The following ZBTB21 variants were observed in gnomAD, a reference collection of about 807,000 sequenced individuals.
ZBTB21 encodes the protein zinc finger and BTB domain containing 21.
ZBTB21 carries 10 observed loss-of-function variants against 39.8 expected under a neutral mutation model. That is an observed-to-expected ratio of 0.25 (90% confidence interval 0.16 to 0.43). The LOEUF (loss-of-function observed/expected upper bound fraction) is 0.43, where lower values mean the gene tolerates loss of function less well. Among genes scored for constraint, ZBTB21 ranks in the 20% least tolerant of loss-of-function variants. The probability of loss-of-function intolerance (pLI) is 1.00; values close to 1 mark genes in which losing one functional copy is unlikely to be tolerated. For synonymous variants in ZBTB21, 551 were observed against 498.8 expected (o/e 1.10, Z -1.40); for missense variants, 1,221 against 1,296.3 (o/e 0.94, Z 0.89).
rs1294700503 is a variant in ZBTB21, at chr21:41,993,303, C to T, written c.793G>A (p.Gly265Arg). 6.2e-7 allele frequency: 1 copy of T among 1,613,216 alleles called. No homozygotes were observed. The highest frequency in any genetic ancestry group is 1.1e-5 in the South Asian group (1 of 91,034). The change falls in exon 3 of 3, where the codon GGA becomes AGA. Residue 265 changes from glycine to arginine, a missense_variant. Coordinates refer to ENST00000310826, the MANE Select transcript of ZBTB21 (RefSeq NM_001098402.2). ...KPGVSGQLPK[G>R]KALELALKRP... ...TTCAAAGCCAGCTCTAGAGCTTTTCCTTTTGGAAGCTGACCACTCACACCT... is the reference window on the plus strand; with the variant it reads ...TTCAAAGCCAGCTCTAGAGCTTTTCTTTTTGGAAGCTGACCACTCACACCT...
In ZBTB21 at chr21:41,990,866, G is replaced by A; in HGVS notation, c.*29C>T. On this transcript the variant is annotated 3_prime_UTR_variant, in exon 3 of 3. Coordinates refer to ENST00000310826, the MANE Select transcript of ZBTB21 (RefSeq NM_001098402.2). ...CAATTCAGGTTGAAATCTGGGGACTGCCTCCCATAGGTAAAAAGTGTTGGT... is the reference window on the plus strand; with the variant it reads ...CAATTCAGGTTGAAATCTGGGGACTACCTCCCATAGGTAAAAAGTGTTGGT... 3 of 1,417,474 alleles carry A rather than the reference G, an allele frequency of 2.1e-6. No homozygotes were observed. The highest frequency in any genetic ancestry group is 2.8e-6 in the Non-Finnish European group (3 of 1,082,198). The allele number at this position is 1,417,474 out of a possible 1,614,324, so 87.8% of individuals were successfully genotyped here.
chr21:41,993,312 G>C lies in ZBTB21; in HGVS notation c.784C>G (p.Leu262Val). 6.2e-7 allele frequency: 1 copy of C among 1,613,306 alleles called. No homozygotes were observed. The highest frequency in any genetic ancestry group is 8.5e-7 in the Non-Finnish European group (1 of 1,179,948). The change falls in exon 3 of 3, where the codon CTT becomes GTT. Residue 262 changes from leucine (L) to valine (V), a missense_variant. Physicochemically the swap from Leu to Val is conservative, Grantham distance 32 (BLOSUM62 1). Around this residue, in one of 4 missense-constraint regions of ZBTB21, gnomAD observed 500 missense variants for 465.6 expected, o/e 1.07. Transcript: ENST00000310826. ...AGCTCTAGAGCTTTTCCTTTTGGAA[G>C]CTGACCACTCACACCTGGTTTATCA... is the stretch of plus-strand genomic sequence containing the variant. ...MDDKPGVSGQ[L>V]PKGKALELAL...
At position 41,994,099 on chromosome 21, in the gene ZBTB21, T is replaced by C; in HGVS notation, c.-4A>G. The stretch of plus-strand genomic sequence containing the variant: ...TGTAATGCAGTAATCCCTCCATGGC[T>C]TGAGTTTATCTAAAAGACAAAATGT... On this transcript the variant is annotated 5_prime_UTR_variant, in exon 3 of 3. Coordinates refer to ENST00000310826, the MANE Select transcript of ZBTB21 (RefSeq NM_001098402.2). 1 of 1,561,476 alleles carries C rather than the reference T, an allele frequency of 6.4e-7. No homozygotes were observed. Among genetic ancestry groups the C allele is most frequent in the Non-Finnish European group, 8.6e-7 (1 of 1,156,098 alleles).
rs761782176 is a variant in ZBTB21 at position 41,993,356 on chromosome 21, T to G, written c.740A>C (p.Gln247Pro). 3 of 1,614,032 alleles carry G rather than the reference T, an allele frequency of 1.9e-6. No individual in the cohort carries two copies. Among genetic ancestry groups the G allele is most frequent in the Non-Finnish European group, 2.5e-6 (3 of 1,180,010 alleles). Residue 247 changes from glutamine to proline, a missense_variant, in exon 3 of 3, where the codon CAA (glutamine) becomes CCA (proline). Physicochemically the swap from Gln to Pro is moderately conservative, Grantham distance 76. Coordinates refer to ENST00000310826, the MANE Select transcript of ZBTB21 (RefSeq NM_001098402.2). ...TTTATCATCCATAGCTTCTCTGTCTTGCAGAGGCTTTGAAGGCAACACTGC... is the reference window on the plus strand; with the variant it reads ...TTTATCATCCATAGCTTCTCTGTCTGGCAGAGGCTTTGAAGGCAACACTGC... ...RNAVLPSKPLQDREAMDDKPG... is the reference protein window; with the variant it reads ...RNAVLPSKPLPDREAMDDKPG...
rs759879379 is a variant in ZBTB21 at position 41,991,027 on chromosome 21, T to C, written c.3069A>G (p.Glu1023=). 1.9e-6 allele frequency: 3 copies of C among 1,579,518 alleles called. No homozygotes were observed. Among genetic ancestry groups the C allele is most frequent in the Admixed American group, 1.8e-5 (1 of 54,176 alleles). The change falls in exon 3 of 3, where the codon GAA becomes GAG. Residue 1023 remains glutamate, a synonymous_variant. Transcript: ENST00000310826. This position sits in a 1 kb window ranked among gnomAD's most constrained non-coding sequence, Gnocchi z 4.9. ...GGGCATGGTAAAAAAGGGTGTCTGATTCTTGGGGCACAAACAGTTTTTCTG... is the reference window on the plus strand; with the variant it reads ...GGGCATGGTAAAAAAGGGTGTCTGACTCTTGGGGCACAAACAGTTTTTCTG... ...PATEKLFVPQ[E]SDTLFYHAPP...
intron 1 of ZBTB21, among the ~76,000 whole-genome samples, chr21:42,006,444 A>AT (rs1314304118): frequency 6.1e-4 from 71 of 116,604 alleles, no homozygotes; most frequent in Non-Finnish European, 1.1e-3. Context: ...AAAAAAAAAA[A>AT]TTTTTTTTTC....
In ZBTB21 at chr21:41,993,951, C is replaced by T. The variant is rs770020930; in HGVS notation, c.145G>A (p.Ala49Thr). The change falls in exon 3 of 3, where the codon GCT becomes ACT. Residue 49 changes from alanine (A) to threonine (T), a missense_variant. Around this residue, in one of 4 missense-constraint regions of ZBTB21, gnomAD observed 108 missense variants for 155.0 expected, o/e 0.70. Transcript: ENST00000310826. The stretch of plus-strand genomic sequence containing the variant: ...CTCTGAAAGTATTCGCTGCTGGCAG[C>T]CAAGACGTTTTTATGAGCTCGGAAC... ...QKFRAHKNVL[A>T]ASSEYFQSLF... The T allele has an allele frequency of 3.1e-6, 5 of 1,614,120 alleles. No homozygotes were observed. In the African/African-American group the frequency reaches 5.3e-5, roughly 17 times the overall value.
chr21:41,992,125 G>T lies in ZBTB21; in HGVS notation c.1971C>A (p.Val657=). The T allele has an allele frequency of 6.2e-7, 1 of 1,614,074 alleles. No homozygotes were observed. The highest frequency in any genetic ancestry group is 8.5e-7 in the Non-Finnish European group (1 of 1,180,008). Residue 657 remains valine, a synonymous_variant, in exon 3 of 3, where the codon GTC becomes GTA. Coordinates refer to ENST00000310826, the MANE Select transcript of ZBTB21 (RefSeq NM_001098402.2). The surrounding 1 kb of genome is among the most constrained non-coding windows in gnomAD (Gnocchi z 4.1). ...CTCGAGATCTCAAGTTCCTCTTGAT[G>T]ACTTGCTGTGCTTGGGAGCTACTCT... ...QGQSSSQAQQ[V]IKRNLRSRAK... is the part of the protein sequence containing the mutation.
At chr21:42,005,156 C>T (rs1404954678) in intron 1 of ZBTB21, among the ~76,000 whole-genome samples, 1 of 152,230 alleles carries the variant, frequency 6.6e-6, no homozygotes, top group East Asian at 1.9e-4. Flanking sequence ...CTTAGCAGAG[C>T]AGACTCTGGT....
Position 41,990,787 on chromosome 21 carries a change from C to G in ZBTB21, c.*108G>C. ...AACTTAATTTCAAGCGTAACAATCTCCAACCTTTATTATTCTTGTTTAAAA... is the reference window on the plus strand; with the variant it reads ...AACTTAATTTCAAGCGTAACAATCTGCAACCTTTATTATTCTTGTTTAAAA... On this transcript the variant is annotated 3_prime_UTR_variant, in exon 3 of 3. Coordinates refer to ENST00000310826, the MANE Select transcript of ZBTB21 (RefSeq NM_001098402.2). The G allele has an allele frequency of 8.7e-7, 1 of 1,146,490 alleles. No individual in the cohort carries two copies. Among genetic ancestry groups the G allele is most frequent in the Non-Finnish European group, 1.2e-6 (1 of 862,224 alleles). 71.0% of individuals were successfully genotyped at this position (1,146,490 alleles called of 1,614,324 possible).
rs1397429689 is a variant in ZBTB21, at chr21:41,987,723, A to C, written c.*3172T>G. ...TACAGTTGTATACACACATGCATGC[A>C]TGTGTGTACAAACCCAATTTGAGAC... On this transcript the variant is annotated 3_prime_UTR_variant, in exon 3 of 3. Transcript: ENST00000310826. The C allele has an allele frequency of 6.6e-6, 1 of 151,778 alleles. No individual in the cohort carries two copies. Among genetic ancestry groups the C allele is most frequent in the Non-Finnish European group, 1.5e-5 (1 of 67,834 alleles). The allele number at this position is 151,778 out of a possible 1,614,324, so 9.4% of individuals were successfully genotyped here.
intron 2 of ZBTB21, among the ~76,000 whole-genome samples, chr21:42,001,115 C>T (rs2065811956): frequency 3.3e-5 from 5 of 152,166 alleles, no homozygotes; most frequent in African/African-American, 7.2e-5. Context: ...GAGGCACAGA[C>T]GGTCAAGTAA....
chr21:42,004,352 T>A (rs2065853421), intron 1 of ZBTB21, among the ~76,000 whole-genome samples: 1 of 152,136 alleles, frequency 6.6e-6, no homozygotes, highest in Admixed American at 6.5e-5. Context: ...TGCAAATACT[T>A]TCCTCTTTAT....
intron 1 of ZBTB21, 96 bp downstream of exon 1, chr21:42,010,156 G>A: frequency 2.6e-6 from 1 of 389,968 alleles, no homozygotes; most frequent in Non-Finnish European, 4.5e-6. Context: ...AATCACCTCA[G>A]AGTTACGTCA....
Position 41,993,448 on chromosome 21 carries a change from A to G in ZBTB21, c.648T>C (p.Tyr216=), listed in dbSNP as rs2065699859. 6.2e-7 allele frequency: 1 copy of G among 1,614,244 alleles called. No homozygotes were observed. The highest frequency in any genetic ancestry group is 8.5e-7 in the Non-Finnish European group (1 of 1,180,038). The change falls in exon 3 of 3, where the codon TAT becomes TAC. Residue 216 remains tyrosine (Y), a synonymous_variant. Coordinates refer to ENST00000310826, the MANE Select transcript of ZBTB21 (RefSeq NM_001098402.2). The stretch of plus-strand genomic sequence containing the variant: ...ATCCAGAATGCTCAAGAGACTTTGC[A>G]TATACCACAGAACTATCTTTCGGCC... ...KSWPKDSSVV[Y]AKSLEHSGSL... is the part of the protein sequence containing the mutation.
rs1402788921 is a variant in ZBTB21, at chr21:41,990,615, A to T, written c.*280T>A. ...ATGATTATACTGACACCATGGAATG[A>T]GGAACCATGCACACAATCAAGACTA... On this transcript the variant is annotated 3_prime_UTR_variant, in exon 3 of 3. Transcript: ENST00000310826. The T allele has an allele frequency of 3.8e-5, 9 of 238,028 alleles. No homozygotes were observed. The allele number at this position is 238,028 out of a possible 1,614,324, so 14.7% of individuals were successfully genotyped here. A position where few individuals can be genotyped will look rare whatever the true frequency, so the allele number is the denominator to read the frequency against.
intron 2 of ZBTB21, among the ~76,000 whole-genome samples, chr21:41,996,334 C>G (rs1476333449): frequency 6.6e-6 from 1 of 152,214 alleles, no homozygotes; most frequent in Non-Finnish European, 1.5e-5. Context: ...CCATGGGAGC[C>G]CACCTCTTAT....
chr21:41,991,951 T>A lies in ZBTB21; in HGVS notation c.2145A>T (p.Pro715=). Residue 715 remains proline, a synonymous_variant, in exon 3 of 3, where the codon CCA becomes CCT. Coordinates refer to ENST00000310826, the MANE Select transcript of ZBTB21 (RefSeq NM_001098402.2). The surrounding 1 kb of genome is among the most constrained non-coding windows in gnomAD (Gnocchi z 4.9). Reference sequence around the variant, plus strand: ...ACTGGTAAACCTCCTTGTTTTCTACTGGACTTGCAAGAGGAGCATGCTCTT... The same window carrying A: ...ACTGGTAAACCTCCTTGTTTTCTACAGGACTTGCAAGAGGAGCATGCTCTT... ...KPKEHAPLAS[P]VENKEVYQCR... 6.2e-7 allele frequency: 1 copy of A among 1,614,148 alleles called. No homozygotes were observed. The highest frequency in any genetic ancestry group is 8.5e-7 in the Non-Finnish European group (1 of 1,180,030).
rs956330951 is a variant in ZBTB21 at position 41,992,240 on chromosome 21, T to C, written c.1856A>G (p.Gln619Arg). The C allele has an allele frequency of 2.5e-6, 4 of 1,614,174 alleles. No individual in the cohort carries two copies. Among genetic ancestry groups the C allele is most frequent in the Non-Finnish European group, 3.4e-6 (4 of 1,180,038 alleles). The change falls in exon 3 of 3, where the codon CAA becomes CGA. Residue 619 changes from glutamine (Q) to arginine (R), a missense_variant. This residue lies in a region of ZBTB21 where 90 missense variants were observed against 133.1 expected (regional missense o/e 0.68). Transcript: ENST00000310826. This position sits in a 1 kb window ranked among gnomAD's most constrained non-coding sequence, Gnocchi z 4.1. ...SSHAVLDEKF[Q>R]RKLIDIVRER... ...TCTCACTATGTCAATCAGCTTTCTT[T>C]GGAATTTTTCATCCAAAACAGCATG...
Sources: gnomAD v4.1 joint callset for allele counts (sites outside exome capture counted in the v4.1 genomes callset) on GRCh38, gnomAD v4.1.1 for gene constraint, gnomAD v4.1.1 regional missense constraint, Gnocchi (gnomAD v3.1) non-coding constraint, MANE v1.5 for transcripts, NCBI Gene and HGNC (gene_info 2026-07-23, HGNC 2026-07-21) for gene names.